Variants in ERC2 observed in about 807,000 individuals in gnomAD.
The protein encoded by ERC2 is ERC protein 2.
A neutral mutation model predicts 114.8 loss-of-function variants in ERC2; 42 were observed. The observed-to-expected ratio is 0.37, with a 90% CI of 0.29 to 0.47. The LOEUF (loss-of-function observed/expected upper bound fraction) is 0.47. Among genes scored for constraint, ERC2 ranks in the 20% least tolerant of loss-of-function variants. The probability of loss-of-function intolerance (pLI) is 0.99; values close to 1 mark genes in which losing one functional copy is unlikely to be tolerated. For synonymous variants in ERC2, 454 were observed against 425.5 expected (o/e 1.07, Z -0.82); for missense variants, 939 against 1,150.7 (o/e 0.82, Z 2.66).
intron 17 of ERC2, among the ~76,000 whole-genome samples, chr3:55,561,660 T>C (rs1490203534): frequency 6.6e-6 from 1 of 152,080 alleles, no homozygotes; most frequent in Non-Finnish European, 1.5e-5. Flanking sequence ...AAGGTAGGCA[T>C]GGTGGGCTAC....
intron 3 of ERC2, among the ~76,000 whole-genome samples, chr3:56,205,950 C>A (rs1212751887): frequency 6.6e-6 from 1 of 152,104 alleles, no homozygotes; most frequent in Non-Finnish European, 1.5e-5. Context: ...TAAGACTCAA[C>A]ACTACAAAAA....
chr3:55,855,189 G>C (rs956455431), intron 14 of ERC2, among the ~76,000 whole-genome samples: 15 of 152,152 alleles, frequency 9.9e-5, no homozygotes, highest in African/African-American at 3.4e-4. Context: ...TGACTAAAAG[G>C]CATCTCAGAG....
At chr3:55,999,628 T>C (rs543979159) in intron 10 of ERC2, among the ~76,000 whole-genome samples, 37 of 151,938 alleles carry the variant, frequency 2.4e-4, no homozygotes, top group African/African-American at 8.7e-4. Flanking sequence ...AAGTATATCA[T>C]TTACAATAGC....
At chr3:55,707,660 A>G (rs777628243) in intron 15 of ERC2, among the ~76,000 whole-genome samples, 9 of 152,228 alleles carry the variant, frequency 5.9e-5, no homozygotes, top group Non-Finnish European at 8.8e-5. Context: ...TTAACATAAA[A>G]AATAATAACC....
chr3:55,758,555 T>C (rs1313067952), intron 14 of ERC2, among the ~76,000 whole-genome samples: 1 of 152,222 alleles, frequency 6.6e-6, no homozygotes, highest in African/African-American at 2.4e-5. Flanking sequence ...TGTTCTAACT[T>C]TTACAGATGC....
At chr3:55,899,265 A>G (rs11130484) in intron 13 of ERC2, among the ~76,000 whole-genome samples, 53,345 of 152,058 alleles carry the variant, frequency 0.35, 11,703 homozygotes, top group African/African-American at 0.62. Context: ...ATTTGATCTG[A>G]TGATTCTACT....
chr3:56,424,338 G>C (rs1163948924), intron 2 of ERC2, among the ~76,000 whole-genome samples: 2 of 152,068 alleles, frequency 1.3e-5, no homozygotes, highest in African/African-American at 2.4e-5. Context: ...GATCCAGAGA[G>C]AAAAATGGAA....
At chr3:55,860,881 G>T (rs2061998094) in intron 14 of ERC2, among the ~76,000 whole-genome samples, 1 of 152,180 alleles carries the variant, frequency 6.6e-6, no homozygotes, top group African/African-American at 2.4e-5. Flanking sequence ...CTTCTGAGAA[G>T]ACATTAAAGA....
chr3:56,337,637 GA>G (rs906388426), intron 2 of ERC2, among the ~76,000 whole-genome samples: 1 of 151,156 alleles, frequency 6.6e-6, no homozygotes, highest in Non-Finnish European at 1.5e-5. Context: ...ATGAGGTACA[GA>G]AAAAAAAACA....
chr3:55,783,643 A>G (rs1458485363), intron 14 of ERC2, among the ~76,000 whole-genome samples: 1 of 152,202 alleles, frequency 6.6e-6, no homozygotes, highest in East Asian at 1.9e-4. Context: ...GATTGATGGT[A>G]TGGTCTTGAT....
At position 55,508,346 on chromosome 3, in the gene ERC2, A is replaced by G. The variant is rs993783638; in HGVS notation, c.*2970T>C. Reference sequence around the variant, plus strand: ...AACAAGGTTTATTTGATGAATATAAATAAGGCGATCAGCACAAAGTACTTC... The same window carrying G: ...AACAAGGTTTATTTGATGAATATAAGTAAGGCGATCAGCACAAAGTACTTC... On this transcript the variant is annotated 3_prime_UTR_variant, in exon 18 of 18. Coordinates refer to ENST00000288221, the MANE Select transcript of ERC2 (RefSeq NM_015576.3). The G allele has an allele frequency of 2.6e-5, 4 of 152,642 alleles. No homozygotes were observed. The highest frequency in any genetic ancestry group is 5.9e-5 in the Non-Finnish European group (4 of 68,048). The allele number at this position is 152,642 out of a possible 1,614,324, so 9.5% of individuals were successfully genotyped here.
intron 17 of ERC2, among the ~76,000 whole-genome samples, chr3:55,532,316 C>G (rs764007952): frequency 1.3e-5 from 2 of 152,184 alleles, no homozygotes; most frequent in African/African-American, 4.8e-5. Flanking sequence ...TAGGTCTCTT[C>G]CTCTGAATCT....
At chr3:56,094,794 T>C (rs967484315) in intron 6 of ERC2, among the ~76,000 whole-genome samples, 5 of 152,170 alleles carry the variant, frequency 3.3e-5, no homozygotes, top group African/African-American at 1.2e-4. Context: ...ATGATAAAGG[T>C]GGTAGTTAGA....
intron 4 of ERC2, among the ~76,000 whole-genome samples, chr3:56,170,758 G>T (rs2082618678): frequency 1.0e-5 from 1 of 95,748 alleles, no homozygotes; most frequent in Non-Finnish European, 2.1e-5. Context: ...CACCACACCT[G>T]GCTAATTTTT....
intron 17 of ERC2, among the ~76,000 whole-genome samples, chr3:55,665,202 C>T (rs2061310965): frequency 6.6e-6 from 1 of 152,158 alleles, no homozygotes; most frequent in African/African-American, 2.4e-5. Flanking sequence ...AGCACATTTC[C>T]TGACTCTTCA....
At chr3:56,408,080 A>C (rs1353513045) in intron 2 of ERC2, among the ~76,000 whole-genome samples, 1 of 152,166 alleles carries the variant, frequency 6.6e-6, no homozygotes, top group Non-Finnish European at 1.5e-5. Context: ...TTTTTGTGTC[A>C]GTGAAGAAAT....
intron 14 of ERC2, among the ~76,000 whole-genome samples, chr3:55,830,875 T>G (rs570629075): frequency 1.3e-5 from 2 of 152,022 alleles, no homozygotes; most frequent in South Asian, 4.1e-4. Flanking sequence ...CCCCAGGAAT[T>G]TGAGGCTGCA....
rs147064314 is a variant in ERC2 at position 55,966,481 on chromosome 3, G to C, written c.2268-15921C>G. On this transcript the variant is annotated intron_variant, in intron 12 of 17. Transcript: ENST00000288221. ...ATGTATGCCATAGAATGTAGCATTT[G>C]ATCAGCATCTCTTTGGACCAGGCAA... Among the ~76,000 whole-genome samples, 523 of 152,266 alleles carry C rather than the reference G, an allele frequency of 3.4e-3. 8 individuals carry two copies. Among genetic ancestry groups the C allele is most frequent in the Non-Finnish European group, 9.7e-4 (66 of 68,016 alleles).
chr3:55,815,198 T>C (rs2059864136), intron 14 of ERC2, among the ~76,000 whole-genome samples: 1 of 142,502 alleles, frequency 7.0e-6, no homozygotes, highest in Non-Finnish European at 1.5e-5. Flanking sequence ...GATGCCCATT[T>C]AGAAATGCAC....
Sources: gnomAD v4.1 joint callset for allele counts (sites outside exome capture counted in the v4.1 genomes callset) on GRCh38, gnomAD v4.1.1 for gene constraint, MANE v1.5 for transcripts, NCBI Gene and HGNC (gene_info 2026-07-23, HGNC 2026-07-21) for gene names.